SLC4A4: variants seen among roughly 807,000 people sequenced by gnomAD.
SLC4A4 encodes electrogenic sodium bicarbonate cotransporter 1.
In SLC4A4, 27 loss-of-function variants were observed where a neutral mutation model predicts 111.5. That is an observed-to-expected ratio of 0.24 (90% CI 0.18 to 0.33). The LOEUF (loss-of-function observed/expected upper bound fraction) is 0.33. Among genes scored for constraint, SLC4A4 ranks in the 10% least tolerant of loss-of-function variants. The pLI is 1.00. For synonymous variants in SLC4A4, 443 were observed against 463.4 expected (o/e 0.96, Z 0.57); for missense variants, 909 against 1,315.5 (o/e 0.69, Z 4.78).
At chr4:71,436,942 T>C (rs749994529) in intron 7 of SLC4A4, 78 of 301,102 alleles carry the variant, frequency 2.6e-4, no homozygotes, top group Non-Finnish European at 4.1e-4. Flanking sequence ...TGAGTTTGCC[T>C]ATTAAAAAAT....
intron 12 of SLC4A4, among the ~76,000 whole-genome samples, chr4:71,459,285 A>G (rs745452388): frequency 6.1e-4 from 92 of 151,998 alleles, no homozygotes; most frequent in African/African-American, 2.1e-3. Flanking sequence ...TTGACTTGCA[A>G]CTGTTTTGAG....
intron 3 of SLC4A4, among the ~76,000 whole-genome samples, chr4:71,289,427 G>C (rs949626938): frequency 1.3e-5 from 2 of 152,196 alleles, no homozygotes. Flanking sequence ...ACTGTAAGTA[G>C]TACCAACATA....
chr4:71,261,693 C>A (rs1297972416), intron 3 of SLC4A4, among the ~76,000 whole-genome samples: 1 of 152,170 alleles, frequency 6.6e-6, no homozygotes, highest in Non-Finnish European at 1.5e-5. Flanking sequence ...TTGAAGTCAC[C>A]TTGAAGTGCC....
At chr4:71,230,396 G>T (rs913187291) in intron 1 of SLC4A4, among the ~76,000 whole-genome samples, 3 of 152,168 alleles carry the variant, frequency 2.0e-5, no homozygotes, top group Admixed American at 2.0e-4. Flanking sequence ...GCTAGCATTG[G>T]TCACTCCCCT....
At chr4:71,466,743 C>T (rs1177985248) in intron 13 of SLC4A4, among the ~76,000 whole-genome samples, 166 bp downstream of exon 13, 1 of 152,036 alleles carries the variant, frequency 6.6e-6, no homozygotes, top group Non-Finnish European at 1.5e-5. Flanking sequence ...GTAGTCACCA[C>T]TTGTTTCAGA....
At chr4:71,465,611 C>A (rs960231445) in intron 12 of SLC4A4, among the ~76,000 whole-genome samples, 16 of 151,648 alleles carry the variant, frequency 1.1e-4, no homozygotes, top group African/African-American at 3.9e-4. Flanking sequence ...TAGGAAACAG[C>A]CTAGTTTGTC....
chr4:71,187,428 G>C (rs1282932211), intron 1 of SLC4A4, 27 bp downstream of exon 1: 3 of 152,086 alleles, frequency 2.0e-5, no homozygotes, highest in Admixed American at 6.6e-5. Context: ...GGCAGCTGCC[G>C]GGAGGGTCGA....
intron 2 of SLC4A4, among the ~76,000 whole-genome samples, chr4:71,098,298 C>G (rs570743378): frequency 9.9e-5 from 15 of 152,284 alleles, no homozygotes; most frequent in African/African-American, 3.6e-4. Context: ...TTCCCCGTTG[C>G]TTGCTTTTGT....
chr4:71,071,041 TG>T (rs1741646025), intron 1 of SLC4A4, among the ~76,000 whole-genome samples: 1 of 152,074 alleles, frequency 6.6e-6, no homozygotes, highest in African/African-American at 2.4e-5. Flanking sequence ...GATGCCAAGG[TG>T]GGTGGATCAC....
intron 20 of SLC4A4, among the ~76,000 whole-genome samples, chr4:71,548,519 A>G (rs1735729259): frequency 6.6e-6 from 1 of 151,822 alleles, no homozygotes; most frequent in African/African-American, 2.4e-5. Flanking sequence ...ATTTTTTTCA[A>G]TCATATAAAC....
At chr4:71,466,672 A>G in intron 13 of SLC4A4, 95 bp downstream of exon 13, 1 of 1,277,010 alleles carries the variant, frequency 7.8e-7, no homozygotes, top group Non-Finnish European at 1.1e-6. Flanking sequence ...AGGCAGATCC[A>G]AGAATCACTC....
intron 2 of SLC4A4, among the ~76,000 whole-genome samples, chr4:71,106,154 CA>C (rs1052157164): frequency 4.2e-4 from 64 of 151,848 alleles, no homozygotes; most frequent in African/African-American, 1.5e-3. Context: ...TTTATGCAGT[CA>C]AAAAACACAT....
chr4:71,372,507 G>A (rs1440901021), intron 6 of SLC4A4, among the ~76,000 whole-genome samples: 2 of 152,150 alleles, frequency 1.3e-5, no homozygotes, highest in East Asian at 3.8e-4. Flanking sequence ...CACTCTTAGC[G>A]CTTATCTGTG....
chr4:71,344,088 A>T (rs998160790), intron 4 of SLC4A4, among the ~76,000 whole-genome samples: 1 of 152,048 alleles, frequency 6.6e-6, no homozygotes. Context: ...TTAGCATACC[A>T]TATATCTTGT....
chr4:71,333,844 G>A (rs1238189070), intron 3 of SLC4A4, among the ~76,000 whole-genome samples: 1 of 145,754 alleles, frequency 6.9e-6, no homozygotes. Context: ...TTCAGTCAAG[G>A]CTCAAGCTGG....
intron 12 of SLC4A4, among the ~76,000 whole-genome samples, chr4:71,462,832 C>T (rs1284518483): frequency 6.6e-6 from 1 of 152,110 alleles, no homozygotes; most frequent in African/African-American, 2.4e-5. Context: ...ATACTAACTC[C>T]AGGAAGCATA....
At chr4:71,428,551 A>C (rs918647576) in intron 7 of SLC4A4, among the ~76,000 whole-genome samples, 1 of 152,038 alleles carries the variant, frequency 6.6e-6, no homozygotes, top group African/African-American at 2.4e-5. Context: ...ACGTTGAATG[A>C]TTCTGAGCTT....
intron 3 of SLC4A4, among the ~76,000 whole-genome samples, chr4:71,258,417 A>G (rs1721613538): frequency 6.6e-6 from 1 of 152,164 alleles, no homozygotes; most frequent in South Asian, 2.1e-4. Flanking sequence ...CCTTCAGAAT[A>G]TATGTTTTAA....
chr4:71,394,525 G>A (rs547439981), intron 6 of SLC4A4, among the ~76,000 whole-genome samples: 8 of 152,154 alleles, frequency 5.3e-5, no homozygotes, highest in African/African-American at 1.9e-4. Flanking sequence ...GGATGGCGGT[G>A]ATCAGGGAAC....
Sources: allele counts gnomAD v4.1 joint callset (sites outside exome capture counted in the v4.1 genomes callset), GRCh38; gene constraint gnomAD v4.1.1; transcripts MANE v1.5; gene names NCBI Gene and HGNC (gene_info 2026-07-23, HGNC 2026-07-21).